The following TYW1 variants were observed in gnomAD, a reference collection of about 807,000 sequenced individuals.
The protein encoded by TYW1 is tRNA-yW synthesizing protein 1 homolog, also known as S-adenosyl-L-methionine-dependent tRNA 4-demethylwyosine synthase TYW1.
In TYW1, 46 loss-of-function variants were observed where a neutral mutation model predicts 96.2. That is an observed-to-expected ratio of 0.48 (90% CI 0.38 to 0.61). The LOEUF (loss-of-function observed/expected upper bound fraction) is 0.61, where lower values mean the gene tolerates loss of function less well. Ranked by LOEUF, TYW1 falls within the 20% of genes least tolerant of loss-of-function variation. TYW1 has a pLI of 0.00. For missense variants in TYW1, 684 were observed against 909.6 expected, an observed-to-expected ratio of 0.75 and a Z score of 3.19; for synonymous variants, 274 against 323.0, an observed-to-expected ratio of 0.85 and a Z score of 1.63.
intron 10 of TYW1, 126 bp from the exon 11 acceptor site, chr7:67,083,304 G>T: frequency 1.2e-6 from 1 of 842,940 alleles, no homozygotes; most frequent in Admixed American, 2.5e-5. Context: ...CACTATACAT[G>T]GTTGAACTCT....
intron 13 of TYW1, among the ~76,000 whole-genome samples, chr7:67,153,533 T>A (rs370302380): frequency 2.6e-5 from 4 of 152,250 alleles, no homozygotes; most frequent in African/African-American, 9.6e-5. Flanking sequence ...CATATTGTTT[T>A]AATGTATCAT....
intron 8 of TYW1, among the ~76,000 whole-genome samples, chr7:67,050,340 A>G (rs576370650): frequency 6.6e-6 from 1 of 152,348 alleles, no homozygotes; most frequent in South Asian, 2.1e-4. Context: ...TTAAAAATGC[A>G]TAGAAAAGCT....
At chr7:67,047,575 C>T (rs2129260234) in intron 7 of TYW1, among the ~76,000 whole-genome samples, 1 of 151,160 alleles carries the variant, frequency 6.6e-6, no homozygotes. Flanking sequence ...GTTCATTTGC[C>T]TTGCATTTTG....
At chr7:67,128,049 T>G (rs1797957213) in intron 13 of TYW1, among the ~76,000 whole-genome samples, 1 of 152,184 alleles carries the variant, frequency 6.6e-6, no homozygotes, top group Non-Finnish European at 1.5e-5. Flanking sequence ...CTACTTGGTG[T>G]TCTGGGAGCC....
chr7:67,158,002 G>GT (rs1799040304), intron 13 of TYW1, among the ~76,000 whole-genome samples: 2 of 151,204 alleles, frequency 1.3e-5, no homozygotes, highest in Admixed American at 6.6e-5. Flanking sequence ...TTACTATTAA[G>GT]TTTGCTATTG....
intron 8 of TYW1, among the ~76,000 whole-genome samples, chr7:67,055,107 G>A (rs938598509): frequency 5.9e-5 from 9 of 152,100 alleles, no homozygotes; most frequent in East Asian, 1.9e-4. Flanking sequence ...CCAGCATACC[G>A]TTCATTTTTA....
intron 3 of TYW1, among the ~76,000 whole-genome samples, chr7:67,003,574 G>T (rs572387656): frequency 2.0e-5 from 3 of 151,582 alleles, no homozygotes; most frequent in African/African-American, 4.9e-5. Context: ...GAGGATTACA[G>T]AATTGTTTTG....
chr7:67,162,015 G>T (rs12155051), intron 13 of TYW1, among the ~76,000 whole-genome samples: 42,598 of 151,828 alleles, frequency 0.28, 6,443 homozygotes, highest in African/African-American at 0.4. Context: ...AAACATTCTG[G>T]ACCGGGCGCA....
intron 14 of TYW1, 104 bp from the exon 15 acceptor site, chr7:67,195,066 A>G (rs1563065683): frequency 7.6e-7 from 1 of 1,321,008 alleles, no homozygotes; most frequent in African/African-American, 1.5e-5. Context: ...TACGGACTGG[A>G]TTGCATTGGT....
intron 15 of TYW1, among the ~76,000 whole-genome samples, chr7:67,212,095 A>G (rs1801050227): frequency 6.6e-6 from 1 of 152,086 alleles, no homozygotes; most frequent in African/African-American, 2.4e-5. Context: ...CTGCCCTAAA[A>G]ATGCCCCTGC....
intron 15 of TYW1, among the ~76,000 whole-genome samples, chr7:67,225,714 A>T (rs2949129): frequency 2.0e-5 from 3 of 149,904 alleles, no homozygotes; most frequent in African/African-American, 7.5e-5. Flanking sequence ...TTTTGGTAAC[A>T]CTGCTCAGAG....
chr7:67,202,484 C>T (rs1412461801), intron 15 of TYW1, among the ~76,000 whole-genome samples: 1 of 152,146 alleles, frequency 6.6e-6, no homozygotes, highest in Non-Finnish European at 1.5e-5. Flanking sequence ...GCAACCTCAA[C>T]CTCCCAGGCT....
At chr7:67,151,512 C>A (rs1467334109) in intron 13 of TYW1, among the ~76,000 whole-genome samples, 1 of 152,018 alleles carries the variant, frequency 6.6e-6, no homozygotes, top group East Asian at 1.9e-4. Flanking sequence ...CCTAATGTCT[C>A]CTTTAGGAGT....
chr7:67,183,282 T>C (rs1258219921), intron 14 of TYW1, 46 bp downstream of exon 14: 2 of 1,536,486 alleles, frequency 1.3e-6, no homozygotes, highest in Non-Finnish European at 1.8e-6. Flanking sequence ...TGACAAAGAA[T>C]CGTGGTGCTT....
chr7:67,080,237 A>C (rs552522263), intron 10 of TYW1, among the ~76,000 whole-genome samples: 1 of 152,186 alleles, frequency 6.6e-6, no homozygotes, highest in Admixed American at 6.5e-5. Context: ...TGTTTGCTTT[A>C]TATCTCAGTG....
chr7:67,139,175 T>C (rs556436684), intron 13 of TYW1, among the ~76,000 whole-genome samples: 72 of 152,190 alleles, frequency 4.7e-4, no homozygotes, highest in Middle Eastern at 3.4e-3. Context: ...GCCTCAGCCT[T>C]CAAGTAACTG....
chr7:67,109,400 G>A (rs1269712994), intron 12 of TYW1, among the ~76,000 whole-genome samples: 1 of 151,786 alleles, frequency 6.6e-6, no homozygotes, highest in Non-Finnish European at 1.5e-5. Flanking sequence ...TTGTTTCTCT[G>A]TGAAAACAAT....
At chr7:67,061,415 A>C (rs938458909) in intron 9 of TYW1, among the ~76,000 whole-genome samples, 9 of 152,180 alleles carry the variant, frequency 5.9e-5, no homozygotes, top group Middle Eastern at 6.3e-3. Context: ...GTTTTTCTAT[A>C]GAGACATAAC....
chr7:67,200,097 C>G (rs1179443869), intron 15 of TYW1, among the ~76,000 whole-genome samples: 1 of 152,200 alleles, frequency 6.6e-6, no homozygotes, highest in African/African-American at 2.4e-5. Context: ...GGGAAAATGA[C>G]TGAAAATCAG....
Sources: allele counts gnomAD v4.1 joint callset (sites outside exome capture counted in the v4.1 genomes callset), GRCh38; gene constraint gnomAD v4.1.1; transcripts MANE v1.5; gene names NCBI Gene and HGNC (gene_info 2026-07-23, HGNC 2026-07-21).